The following DGKI variants were observed in gnomAD, a reference collection of about 807,000 sequenced individuals.
DGKI encodes diacylglycerol kinase iota, also known as DAG kinase iota.
A neutral mutation model predicts 147.5 loss-of-function variants in DGKI; 55 were observed. The observed-to-expected ratio is 0.37, with a 90% CI of 0.30 to 0.47. The LOEUF is 0.47. Among genes scored for constraint, DGKI ranks in the 20% least tolerant of loss-of-function variants. DGKI has a pLI of 1.00. For missense variants in DGKI, 1,007 were observed against 1,323.8 expected, an observed-to-expected ratio of 0.76 and a Z score of 3.71; for synonymous variants, 469 against 477.1, an observed-to-expected ratio of 0.98 and a Z score of 0.22.
intron 30 of DGKI, among the ~76,000 whole-genome samples, chr7:137,404,886 T>C (rs1395383422): frequency 6.6e-6 from 1 of 152,128 alleles, no homozygotes. Context: ...ATTGGAATGT[T>C]AGGTTTTGAT....
chr7:137,617,124 CAAAAAAAAAAAAAAAAA>C (rs60654879), intron 8 of DGKI, among the ~76,000 whole-genome samples: 4 of 48,134 alleles, frequency 8.3e-5, no homozygotes, highest in East Asian at 7.3e-4. Flanking sequence ...TCCCTTTTAC[CAAAAAAAAAAAAAAAAA>C]AAAAAAAAAA....
intron 28 of DGKI, among the ~76,000 whole-genome samples, chr7:137,413,687 A>G (rs1042803664): frequency 2.6e-5 from 4 of 152,090 alleles, no homozygotes; most frequent in Non-Finnish European, 5.9e-5. Context: ...TCCACTGCTG[A>G]TAGGCACCTA....
intron 1 of DGKI, among the ~76,000 whole-genome samples, chr7:137,692,907 C>T (rs958657085): frequency 1.3e-5 from 2 of 152,088 alleles, no homozygotes; most frequent in Non-Finnish European, 2.9e-5. Flanking sequence ...CAGTTTGTAA[C>T]TCTAATTGCC....
intron 20 of DGKI, among the ~76,000 whole-genome samples, chr7:137,550,788 T>C (rs376896387): frequency 2.0e-5 from 3 of 152,310 alleles, no homozygotes; most frequent in African/African-American, 7.2e-5. Flanking sequence ...GTAAAAACTT[T>C]TAGATTCTGC....
At chr7:137,506,254 G>A (rs1388327069) in intron 21 of DGKI, among the ~76,000 whole-genome samples, 2 of 152,056 alleles carry the variant, frequency 1.3e-5, no homozygotes, top group East Asian at 1.9e-4. Context: ...CCCAGACAAC[G>A]GAGTATTATT....
intron 12 of DGKI, 126 bp from the exon 13 acceptor site, chr7:137,587,336 G>T: frequency 1.5e-6 from 1 of 673,236 alleles, no homozygotes; most frequent in Non-Finnish European, 2.3e-6. Context: ...AAACATGTAT[G>T]TTTTCATTCA....
chr7:137,837,358 C>G (rs1008689374), intron 1 of DGKI, among the ~76,000 whole-genome samples: 1 of 152,312 alleles, frequency 6.6e-6, no homozygotes, highest in African/African-American at 2.4e-5. Context: ...TTACAAAAAG[C>G]TTGGAAGTGC....
chr7:137,587,017 C>G (rs140938395), intron 13 of DGKI, 80 bp downstream of exon 13: 8 of 1,052,242 alleles, frequency 7.6e-6, no homozygotes, highest in Middle Eastern at 2.2e-4. Context: ...CAGTACCCCC[C>G]TCTTCCATTA....
intron 21 of DGKI, among the ~76,000 whole-genome samples, chr7:137,493,580 T>C (rs1815850341): frequency 6.6e-6 from 1 of 151,808 alleles, no homozygotes; most frequent in Admixed American, 6.6e-5. Context: ...CCTAAAATAT[T>C]CCAGAAATGA....
intron 1 of DGKI, among the ~76,000 whole-genome samples, chr7:137,819,432 T>A (rs1293868632): frequency 2.6e-5 from 4 of 151,626 alleles, no homozygotes; most frequent in Non-Finnish European, 5.9e-5. Flanking sequence ...TGCCTCATCC[T>A]CCTGAGTAGC....
intron 8 of DGKI, among the ~76,000 whole-genome samples, chr7:137,616,039 C>T (rs1410880676): frequency 6.6e-6 from 1 of 152,056 alleles, no homozygotes; most frequent in Non-Finnish European, 1.5e-5. Flanking sequence ...TTGAAGCCCA[C>T]TAAAGAAAAG....
intron 28 of DGKI, among the ~76,000 whole-genome samples, chr7:137,443,733 T>G (rs1432561034): frequency 6.6e-6 from 1 of 152,104 alleles, no homozygotes; most frequent in African/African-American, 2.4e-5. Context: ...CCACAAAAAT[T>G]TTTATCATTT....
At chr7:137,838,112 C>T (rs112783474) in intron 1 of DGKI, among the ~76,000 whole-genome samples, 5 of 151,744 alleles carry the variant, frequency 3.3e-5, no homozygotes, top group African/African-American at 1.2e-4. Context: ...AAGCAATTCC[C>T]CTGCCTCAGC....
chr7:137,523,568 C>T (rs1817039936), intron 20 of DGKI, among the ~76,000 whole-genome samples: 1 of 151,890 alleles, frequency 6.6e-6, no homozygotes, highest in Non-Finnish European at 1.5e-5. Context: ...GGTTCACTGG[C>T]TTAAAAAAAT....
At chr7:137,672,172 C>T (rs1011190437) in intron 3 of DGKI, among the ~76,000 whole-genome samples, 1 of 152,234 alleles carries the variant, frequency 6.6e-6, no homozygotes. Flanking sequence ...TGTAGACGCA[C>T]CTGTGTGCAT....
chr7:137,476,864 A>C (rs1231630634), intron 23 of DGKI, among the ~76,000 whole-genome samples: 4 of 152,198 alleles, frequency 2.6e-5, no homozygotes, highest in African/African-American at 9.7e-5. Context: ...TTCAGAGCTC[A>C]TGACCTTATG....
At chr7:137,593,778 AC>A (rs1332483879) in intron 12 of DGKI, among the ~76,000 whole-genome samples, 2 of 152,238 alleles carry the variant, frequency 1.3e-5, no homozygotes, top group East Asian at 3.8e-4. Context: ...AACTAATTTC[AC>A]CTGCTTTTTA....
Position 137,469,599 on chromosome 7 carries a change from G to A in DGKI, c.2394C>T (p.Pro798=). Residue 798 remains proline (P), a synonymous_variant, in exon 24 of 33, where the codon CCC becomes CCT. Coordinates refer to ENST00000614521, the MANE Select transcript of DGKI (RefSeq NM_001321708.2). ...AGAGCCTCTGTGCTGAGAGAGCCCT[G>A]GGGAAGGAGGTTTCATGGTCCTGGA... is the stretch of plus-strand genomic sequence containing the variant. ...VHYQDHETSF[P]RALSAQRLSP... 1.2e-6 allele frequency: 2 copies of A among 1,613,916 alleles called. No individual in the cohort carries two copies. The highest frequency in any genetic ancestry group is 2.7e-5 in the African/African-American group (2 of 75,006).
intron 1 of DGKI, among the ~76,000 whole-genome samples, chr7:137,781,781 G>A (rs1796525715): frequency 2.6e-5 from 4 of 152,188 alleles, no homozygotes; most frequent in Admixed American, 2.0e-4. Context: ...AATTGCCAGG[G>A]AAGGACATGT....
Sources: gnomAD v4.1 joint callset for allele counts (sites outside exome capture counted in the v4.1 genomes callset) on GRCh38, gnomAD v4.1.1 for gene constraint, MANE v1.5 for transcripts, NCBI Gene and HGNC (gene_info 2026-07-23, HGNC 2026-07-21) for gene names.